The following OCA2 variants were observed in gnomAD, a reference collection of about 807,000 sequenced individuals.
OCA2 encodes the protein OCA2 melanosomal transmembrane protein.
Under a neutral mutation model 100.2 loss-of-function variants are expected in OCA2, and 77 were observed. The observed-to-expected ratio is 0.77, with a 90% CI of 0.64 to 0.93. The LOEUF is 0.93. Ranked by LOEUF, OCA2 falls within the 40% of genes least tolerant of loss-of-function variation. The pLI is 0.00. For synonymous variants in OCA2, 432 were observed against 439.2 expected (o/e 0.98, Z 0.21); for missense variants, 1,062 against 1,089.1 (o/e 0.98, Z 0.35).
chr15:28,027,815 A>G, intron 4 of OCA2, 56 bp downstream of exon 4: 2 of 1,566,980 alleles, frequency 1.3e-6, no homozygotes, highest in Non-Finnish European at 1.7e-6. Context: ...GGGGCCATGT[A>G]GGACGCGATG....
chr15:27,746,050 C>T, the OCA2 span, among the ~76,000 whole-genome samples: 2 of 152,214 alleles, frequency 1.3e-5, no homozygotes. Context: ...CCACCTTGGG[C>T]ACATGTTCTC....
At chr15:27,784,032 A>C (rs1041512572) in intron 23 of OCA2, among the ~76,000 whole-genome samples, 3 of 152,218 alleles carry the variant, frequency 2.0e-5, no homozygotes, top group African/African-American at 4.8e-5. Context: ...CAGGGACACA[A>C]CACCAGCCTA....
At chr15:27,742,761 A>G in the OCA2 span, among the ~76,000 whole-genome samples, 1 of 152,210 alleles carries the variant, frequency 6.6e-6, no homozygotes, top group East Asian at 1.9e-4. Context: ...AGAATCCGAA[A>G]TGATGCGTTA....
Position 27,957,577 on chromosome 15 carries a change from C to G in OCA2, c.1784+11G>C. 6.2e-7 allele frequency: 1 copy of G among 1,611,992 alleles called. No homozygotes were observed. The highest frequency in any genetic ancestry group is 1.3e-5 in the African/African-American group (1 of 75,008). ...CACCAAGCACAGTCTGAGCAGGACCCCGCCCGGTACCTGTGGAAGGTGTGC... is the reference window on the plus strand; with the variant it reads ...CACCAAGCACAGTCTGAGCAGGACCGCGCCCGGTACCTGTGGAAGGTGTGC... On this transcript the variant is annotated intron_variant, in intron 16 of 23. Transcript: ENST00000354638. This position sits in a 1 kb window ranked among gnomAD's most constrained non-coding sequence, Gnocchi z 4.3.
chr15:27,752,742 C>T (rs1025247519), downstream of OCA2, among the ~76,000 whole-genome samples: 3 of 145,882 alleles, frequency 2.1e-5, no homozygotes, highest in Admixed American at 6.9e-5. Flanking sequence ...CAGAAGGCCA[C>T]GGCTCCCGTC....
At chr15:28,021,546 G>A (rs534922846) in intron 6 of OCA2, among the ~76,000 whole-genome samples, 2 of 152,210 alleles carry the variant, frequency 1.3e-5, no homozygotes, top group East Asian at 1.9e-4. Context: ...TCGCTTGAGC[G>A]TGGGAGCCTC....
At chr15:27,833,933 T>C (rs1445473666) in intron 23 of OCA2, among the ~76,000 whole-genome samples, 1 of 152,140 alleles carries the variant, frequency 6.6e-6, no homozygotes, top group African/African-American at 2.4e-5. Flanking sequence ...TGACTAGTGA[T>C]GGTAGAAGAA....
chr15:27,994,163 G>A (rs1250570077), intron 9 of OCA2, among the ~76,000 whole-genome samples: 7 of 152,282 alleles, frequency 4.6e-5, no homozygotes, highest in East Asian at 1.9e-4. Flanking sequence ...GAACATGACC[G>A]CCTGGGCTCT....
intron 23 of OCA2, among the ~76,000 whole-genome samples, chr15:27,759,850 A>G (rs1017290677): frequency 5.9e-5 from 9 of 152,288 alleles, no homozygotes; most frequent in East Asian, 1.9e-4. Flanking sequence ...TCTTCCAGCA[A>G]TCAAATCTTG....
intron 2 of OCA2, among the ~76,000 whole-genome samples, chr15:28,035,853 G>T (rs1011137236): frequency 1.3e-5 from 2 of 148,992 alleles, no homozygotes; most frequent in African/African-American, 5.0e-5. Context: ...AATTACAGAA[G>T]ATAACACATA....
intron 14 of OCA2, among the ~76,000 whole-genome samples, chr15:27,978,887 A>G (rs914920697): frequency 2.0e-5 from 3 of 152,114 alleles, no homozygotes; most frequent in African/African-American, 7.2e-5. Context: ...GGGTTTCACC[A>G]TGTTAGCCAG....
intron 23 of OCA2, among the ~76,000 whole-genome samples, chr15:27,769,305 A>C (rs933778864): frequency 2.0e-5 from 3 of 152,196 alleles, no homozygotes; most frequent in Admixed American, 1.3e-4. Context: ...CCCCTGTGTT[A>C]CACGCGTTTA....
chr15:28,093,694 C>G (rs1312220097), intron 1 of OCA2, among the ~76,000 whole-genome samples: 1 of 152,182 alleles, frequency 6.6e-6, no homozygotes, highest in African/African-American at 2.4e-5. Flanking sequence ...AGCCACGCAG[C>G]CGTCTGTCCG....
chr15:27,870,926 C>G (rs2036541470), intron 21 of OCA2, among the ~76,000 whole-genome samples: 1 of 152,126 alleles, frequency 6.6e-6, no homozygotes. Flanking sequence ...ACCAGTCACC[C>G]CAGGACGTGC....
downstream of OCA2, among the ~76,000 whole-genome samples, chr15:27,750,980 G>A (rs935014883): frequency 1.3e-5 from 2 of 152,168 alleles, no homozygotes; most frequent in Non-Finnish European, 2.9e-5. Flanking sequence ...ATTGAAGAGA[G>A]GTCAGCCAGG....
At chr15:27,951,666 C>T (rs2040031705) in intron 18 of OCA2, 118 bp downstream of exon 18, 2 of 773,034 alleles carry the variant, frequency 2.6e-6, no homozygotes, top group African/African-American at 1.7e-5. Flanking sequence ...TCTCAGCCCT[C>T]TCTGGCCTTC....
intron 23 of OCA2, among the ~76,000 whole-genome samples, chr15:27,776,984 T>TGGGGGGGGGGGGGGGGGG (rs2032268865): frequency 1.6e-5 from 1 of 61,510 alleles, no homozygotes; most frequent in Non-Finnish European, 3.4e-5. Context: ...TGGGGGGGGG[T>TGGGGGGGGGGGGGGGGGG]GGGGGGAGTG....
intron 19 of OCA2, among the ~76,000 whole-genome samples, chr15:27,873,688 G>A (rs893791053): frequency 1.3e-4 from 20 of 152,046 alleles, no homozygotes; most frequent in African/African-American, 3.6e-4. Context: ...CATGCTCTGC[G>A]TTATGTAATG....
chr15:27,806,184 G>A (rs1390539462), intron 23 of OCA2, among the ~76,000 whole-genome samples: 1 of 152,234 alleles, frequency 6.6e-6, no homozygotes, highest in African/African-American at 2.4e-5. Context: ...AGACCAGCTG[G>A]GAGCAGAGGG....
Sources: gnomAD v4.1 joint callset for allele counts (sites outside exome capture counted in the v4.1 genomes callset) on GRCh38, gnomAD v4.1.1 for gene constraint, Gnocchi (gnomAD v3.1) non-coding constraint, MANE v1.5 for transcripts, NCBI Gene and HGNC (gene_info 2026-07-23, HGNC 2026-07-21) for gene names.